Variants in NOC3L observed in about 807,000 individuals in gnomAD.
NOC3L encodes NOC3 like DNA replication regulator.
In NOC3L, 85 loss-of-function variants were observed where a neutral mutation model predicts 102.5. The observed-to-expected ratio is 0.83, with a 90% CI of 0.70 to 0.99. The LOEUF (loss-of-function observed/expected upper bound fraction) is 0.99, where lower values mean the gene tolerates loss of function less well. Ranked by LOEUF, NOC3L falls within the 50% of genes least tolerant of loss-of-function variation. The probability of loss-of-function intolerance (pLI) is 0.00; values close to 1 mark genes in which losing one functional copy is unlikely to be tolerated. For missense variants in NOC3L, 878 were observed against 914.9 expected, an observed-to-expected ratio of 0.96 and a Z score of 0.52; for synonymous variants, 303 against 309.4, an observed-to-expected ratio of 0.98 and a Z score of 0.22.
At chr10:94,328,586 GA>G (rs1223832388), downstream of NOC3L, 1 of 152,202 alleles carries the variant, frequency 6.6e-6, no homozygotes, top group Non-Finnish European at 1.5e-5. Flanking sequence ...ACAAAGATCT[GA>G]AAACAGGAAA....
chr10:94,319,928 G>A, the NOC3L span, among the ~76,000 whole-genome samples: 1 of 139,504 alleles, frequency 7.2e-6, no homozygotes, highest in Admixed American at 7.9e-5. Flanking sequence ...GGAGTGCAGT[G>A]GCGCGATCTC....
At chr10:94,321,418 G>A in the NOC3L span, among the ~76,000 whole-genome samples, 1 of 152,202 alleles carries the variant, frequency 6.6e-6, no homozygotes, top group Non-Finnish European at 1.5e-5. Flanking sequence ...TGGATCACAA[G>A]GTCAGGAGTT....
At chr10:94,340,189 T>C (rs2054265860) in intron 16 of NOC3L, 87 bp downstream of exon 16, 1 of 1,125,996 alleles carries the variant, frequency 8.9e-7, no homozygotes, top group Admixed American at 2.2e-5. Context: ...TACCTGTTCC[T>C]ATTTCTCATT....
chr10:94,340,450 T>C lies in NOC3L; in HGVS notation c.1691A>G (p.His564Arg), dbSNP rs534325074. The C allele has an allele frequency of 2.2e-6, 3 of 1,384,078 alleles. No homozygotes were observed. Among genetic ancestry groups the C allele is most frequent in the East Asian group, 8.1e-5 (2 of 24,608 alleles). 85.7% of individuals were successfully genotyped at this position (1,384,078 alleles called of 1,614,324 possible). The change falls in exon 15 of 21, where the codon CAT (histidine) becomes CGT (arginine). Residue 564 changes from histidine (H) to arginine (R), a missense_variant. Coordinates refer to ENST00000371361, the MANE Select transcript of NOC3L (RefSeq NM_022451.11). Reference sequence around the variant, plus strand: ...TATCATACCTTGTCCAGAAAGAATATGAAAAGCAGTCTGGACACAGTGAAG... The same window carrying C: ...TATCATACCTTGTCCAGAAAGAATACGAAAAGCAGTCTGGACACAGTGAAG... ...ESLHCVQTAF[H>R]ILSGQGDVLN...
Position 94,340,469 on chromosome 10 carries a change from A to G in NOC3L, c.1672T>C (p.Cys558Arg). Residue 558 changes from cysteine (C) to arginine (R), a missense_variant, in exon 15 of 21, where the codon TGT (cysteine) becomes CGT (arginine). Physicochemically the swap from Cys to Arg is radical, Grantham distance 180. Transcript: ENST00000371361. ...GDLSYQESLH[C>R]VQTAFHILSG... ...AGAATATGAAAAGCAGTCTGGACACAGTGAAGACTTTCTTGATAGCTTAGG... is the reference window on the plus strand; with the variant it reads ...AGAATATGAAAAGCAGTCTGGACACGGTGAAGACTTTCTTGATAGCTTAGG... 2 of 1,260,344 alleles carry G rather than the reference A, an allele frequency of 1.6e-6. No individual in the cohort carries two copies. The highest frequency in any genetic ancestry group is 1.2e-5 in the South Asian group (1 of 85,192). 78.1% of individuals were successfully genotyped at this position (1,260,344 alleles called of 1,614,324 possible).
intron 4 of NOC3L, 81 bp from the exon 5 acceptor site, chr10:94,356,672 C>T (rs1490206909): frequency 6.0e-6 from 5 of 839,882 alleles, no homozygotes; most frequent in South Asian, 1.4e-5. Flanking sequence ...GAGGTGATTA[C>T]GATAAAACTC....
At chr10:94,351,772 C>T (rs189653184) in intron 8 of NOC3L, among the ~76,000 whole-genome samples, 2 of 151,760 alleles carry the variant, frequency 1.3e-5, no homozygotes, top group African/African-American at 4.8e-5. Context: ...GAGCAATCCT[C>T]TTGCCTCGGC....
intron 6 of NOC3L, among the ~76,000 whole-genome samples, chr10:94,354,425 C>T (rs1343608549): frequency 6.6e-6 from 1 of 152,078 alleles, no homozygotes; most frequent in Non-Finnish European, 1.5e-5. Context: ...ACAGATAGTA[C>T]TTATCAGGGC....
chr10:94,326,682 T>TA, the NOC3L span, among the ~76,000 whole-genome samples: 2 of 152,214 alleles, frequency 1.3e-5, no homozygotes, highest in Non-Finnish European at 2.9e-5. Flanking sequence ...GCTAATTGCT[T>TA]ATATTTTAGG....
At chr10:94,339,015 TA>T (rs1390529018) in intron 17 of NOC3L, among the ~76,000 whole-genome samples, 1 of 152,184 alleles carries the variant, frequency 6.6e-6, no homozygotes, top group Non-Finnish European at 1.5e-5. Context: ...AGAAATCTGA[TA>T]GAAATAATTA....
At chr10:94,316,769 G>A in the NOC3L span, 2,594 of 1,582,032 alleles carry the variant, frequency 1.6e-3, 55 homozygotes, top group East Asian at 0.048. Context: ...AAGTGTGTCT[G>A]GGTGCAGCCT....
chr10:94,345,571 T>C (rs1188950016), intron 11 of NOC3L, among the ~76,000 whole-genome samples: 2 of 152,196 alleles, frequency 1.3e-5, no homozygotes, highest in African/African-American at 4.8e-5. Context: ...GCTGCCATGT[T>C]CTTATTGGTC....
chr10:94,334,527 A>G (rs2054194730), intron 20 of NOC3L, 107 bp downstream of exon 20: 3 of 809,172 alleles, frequency 3.7e-6, no homozygotes, highest in Non-Finnish European at 5.9e-6. Flanking sequence ...AATCCTAAAC[A>G]TTAAAAAAAA....
intron 11 of NOC3L, among the ~76,000 whole-genome samples, chr10:94,345,598 A>T (rs2054333547): frequency 6.6e-6 from 1 of 152,164 alleles, no homozygotes; most frequent in African/African-American, 2.4e-5. Context: ...TCCTCACCTC[A>T]TCTATACACA....
chr10:94,331,499 G>C (rs2133972614), downstream of NOC3L: 3 of 152,310 alleles, frequency 2.0e-5, no homozygotes, highest in South Asian at 6.2e-4. Context: ...TCCCATGCTA[G>C]TAAAGAAGAG....
At chr10:94,356,309 A>C (rs957553607) in intron 5 of NOC3L, among the ~76,000 whole-genome samples, 1 of 152,214 alleles carries the variant, frequency 6.6e-6, no homozygotes, top group Non-Finnish European at 1.5e-5. Flanking sequence ...GTATGCCTAG[A>C]TATTACAAAT....
At chr10:94,352,194 A>G in intron 8 of NOC3L, 116 bp downstream of exon 8, 1 of 605,730 alleles carries the variant, frequency 1.7e-6, no homozygotes, top group South Asian at 2.8e-5. Flanking sequence ...GTCTGACTCT[A>G]GATTCTGTTC....
intron 1 of NOC3L, 103 bp downstream of exon 1, chr10:94,362,727 C>T: frequency 1.6e-6 from 2 of 1,282,688 alleles, no homozygotes; most frequent in African/African-American, 1.5e-5. Context: ...AACCACCGCC[C>T]CCTAGACACG....
chr10:94,358,325 T>A, intron 2 of NOC3L, 110 bp from the exon 3 acceptor site: 1 of 688,534 alleles, frequency 1.5e-6, no homozygotes, highest in Non-Finnish European at 2.6e-6. Flanking sequence ...TCTGAAGCAA[T>A]CCTCCCACTC....
Sources: allele counts gnomAD v4.1 joint callset (sites outside exome capture counted in the v4.1 genomes callset), GRCh38; gene constraint gnomAD v4.1.1; transcripts MANE v1.5; gene names NCBI Gene and HGNC (gene_info 2026-07-23, HGNC 2026-07-21).